CHLSN: variants seen among roughly 807,000 people sequenced by gnomAD.
The protein encoded by CHLSN is cholesin.
chr7:1,083,014 G>A, the CHLSN span, among the ~76,000 whole-genome samples: 183 of 152,348 alleles, frequency 1.2e-3, no homozygotes, highest in African/African-American at 4.2e-3. Flanking sequence ...CAATGCCCAG[G>A]TGCTGGCCTC....
chr7:1,069,461 C>T, the CHLSN span, among the ~76,000 whole-genome samples: 2 of 145,028 alleles, frequency 1.4e-5, no homozygotes, highest in African/African-American at 5.0e-5. Context: ...ACCTCCCTGC[C>T]TGATTCTCCT....
chr7:1,010,767 G>C, the CHLSN span, among the ~76,000 whole-genome samples: 4 of 152,194 alleles, frequency 2.6e-5, no homozygotes, highest in Non-Finnish European at 5.9e-5. Context: ...ATTAACAAAA[G>C]AAGAGGACGG....
chr7:1,094,548 G>C, the CHLSN span, among the ~76,000 whole-genome samples: 1 of 152,220 alleles, frequency 6.6e-6, no homozygotes, highest in African/African-American at 2.4e-5. Flanking sequence ...GCACAATGAA[G>C]ACTGAACGCA....
chr7:1,010,674 G>A, the CHLSN span, among the ~76,000 whole-genome samples: 146 of 152,282 alleles, frequency 9.6e-4, no homozygotes, highest in African/African-American at 3.1e-3. Context: ...CCCAAGGGAG[G>A]GAGAGGGCCC....
At chr7:1,075,109 A>G in the CHLSN span, among the ~76,000 whole-genome samples, 911 of 152,284 alleles carry the variant, frequency 6.0e-3, 10 homozygotes, top group African/African-American at 0.021. Context: ...CGCCACCTCC[A>G]TCCAACACAA....
chr7:1,075,580 G>C, the CHLSN span, among the ~76,000 whole-genome samples: 1 of 148,310 alleles, frequency 6.7e-6, no homozygotes, highest in East Asian at 2.0e-4. Flanking sequence ...TCTTGAAGCT[G>C]ACCAAGGCCG....
At chr7:1,019,014 G>A in the CHLSN span, among the ~76,000 whole-genome samples, 3 of 152,084 alleles carry the variant, frequency 2.0e-5, no homozygotes, top group Non-Finnish European at 4.4e-5. Context: ...GGCCAACATG[G>A]TGAAACCCCG....
At chr7:1,046,830 G>A in the CHLSN span, among the ~76,000 whole-genome samples, 13 of 152,186 alleles carry the variant, frequency 8.5e-5, no homozygotes, top group Admixed American at 2.6e-4. Context: ...GACCACTGTC[G>A]CTACCACAGC....
chr7:1,123,031 G>A, the CHLSN span, among the ~76,000 whole-genome samples: 1 of 152,176 alleles, frequency 6.6e-6, no homozygotes, highest in African/African-American at 2.4e-5. This position sits in a 1 kb window ranked among gnomAD's most constrained non-coding sequence, Gnocchi z 4.4. Context: ...CTCCAGGCCA[G>A]CAGGGCCCTC....
the CHLSN span, among the ~76,000 whole-genome samples, chr7:1,100,817 C>T: frequency 3.3e-5 from 5 of 152,306 alleles, no homozygotes; most frequent in African/African-American, 1.2e-4. Context: ...TTACCCATCT[C>T]GCCCACAGGC....
the CHLSN span, among the ~76,000 whole-genome samples, chr7:1,070,638 C>T: frequency 5.4e-4 from 81 of 149,326 alleles, no homozygotes; most frequent in African/African-American, 2.0e-3. Context: ...AACACGCACA[C>T]GGACACACAT....
the CHLSN span, among the ~76,000 whole-genome samples, chr7:982,106 C>G: frequency 6.6e-6 from 1 of 152,220 alleles, no homozygotes; most frequent in African/African-American, 2.4e-5. Flanking sequence ...AGGTAGGACC[C>G]CCAGCCTACC....
the CHLSN span, among the ~76,000 whole-genome samples, chr7:1,108,699 G>T: frequency 6.6e-6 from 1 of 152,108 alleles, no homozygotes; most frequent in African/African-American, 2.4e-5. Context: ...ACTCTCTGCC[G>T]CCTGAGTGTC....
chr7:1,077,541 G>A, the CHLSN span, among the ~76,000 whole-genome samples: 1 of 152,228 alleles, frequency 6.6e-6, no homozygotes. Flanking sequence ...GGTCCTATTT[G>A]AAGTTGCTCT....
At chr7:1,014,788 G>A in the CHLSN span, among the ~76,000 whole-genome samples, 21 of 152,314 alleles carry the variant, frequency 1.4e-4, no homozygotes, top group African/African-American at 5.1e-4. Flanking sequence ...CACATTGGCC[G>A]CCGGCCACGG....
chr7:1,076,914 C>T, the CHLSN span, among the ~76,000 whole-genome samples: 3 of 152,230 alleles, frequency 2.0e-5, no homozygotes, highest in South Asian at 2.1e-4. Flanking sequence ...GGGTGGTCAG[C>T]GAGGGGCTGG....
chr7:1,031,428 CGGG>C, the CHLSN span, among the ~76,000 whole-genome samples: 1 of 81,448 alleles, frequency 1.2e-5, no homozygotes, highest in Non-Finnish European at 2.3e-5. Context: ...CAGAGTGGTC[CGGG>C]GGGGCAGAGA....
At chr7:1,097,343 C>T in the CHLSN span, among the ~76,000 whole-genome samples, 3 of 152,090 alleles carry the variant, frequency 2.0e-5, no homozygotes, top group South Asian at 4.1e-4. This position sits in a 1 kb window ranked among gnomAD's most constrained non-coding sequence, Gnocchi z 4.3. Context: ...TCCAAGAGCA[C>T]GTCGGGTGAC....
chr7:1,109,996 C>T, the CHLSN span, among the ~76,000 whole-genome samples: 3 of 152,202 alleles, frequency 2.0e-5, no homozygotes, highest in Admixed American at 6.5e-5. Flanking sequence ...AGTAATGAGC[C>T]GGAGGGCAGC....
Sources: gnomAD v4.1 joint callset for allele counts (sites outside exome capture counted in the v4.1 genomes callset) on GRCh38, gnomAD v4.1.1 for gene constraint, Gnocchi (gnomAD v3.1) non-coding constraint, MANE v1.5 for transcripts, NCBI Gene and HGNC (gene_info 2026-07-23, HGNC 2026-07-21) for gene names.